NKAIN3: variants seen among roughly 807,000 people sequenced by gnomAD.
The protein encoded by NKAIN3 is sodium/potassium transporting ATPase interacting 3.
A neutral mutation model predicts 30.2 loss-of-function variants in NKAIN3; 25 were observed. The ratio of observed to expected loss-of-function variants is 0.83; its 90% CI spans 0.60 to 1.16. The LOEUF is 1.16. Ranked by LOEUF, NKAIN3 falls within the 50% of genes most tolerant of loss-of-function variation. The probability of loss-of-function intolerance (pLI) is 0.00; values close to 1 mark genes in which losing one functional copy is unlikely to be tolerated. For synonymous variants in NKAIN3, 91 were observed against 89.6 expected, an observed-to-expected ratio of 1.02 and a Z score of -0.09; for missense variants, 225 against 254.1, an observed-to-expected ratio of 0.89 and a Z score of 0.78.
rs141307320 is a variant in NKAIN3 at position 62,972,495 on chromosome 8, T to C, written c.*7088T>C. Among the ~76,000 whole-genome samples, 338 of 152,254 alleles carry C rather than the reference T, an allele frequency of 2.2e-3. 10 individuals are homozygous for C. In the East Asian group the frequency reaches 0.06, roughly 27 times the overall value. ...AATAGAAAAGTGATACTAACATCAA[T>C]AATTAAACTTCCCAAGATTTTTTTG... is the stretch of plus-strand genomic sequence containing the variant. On this transcript the variant is annotated 3_prime_UTR_variant, in exon 7 of 7. Coordinates refer to ENST00000623646, the MANE Select transcript of NKAIN3 (RefSeq NM_001304533.3).
At chr8:62,433,302 G>A (rs1248585264) in intron 1 of NKAIN3, among the ~76,000 whole-genome samples, 1 of 152,004 alleles carries the variant, frequency 6.6e-6, no homozygotes, top group African/African-American at 2.4e-5. Flanking sequence ...GTGGTGGTAG[G>A]TGGGGAACAA....
intron 3 of NKAIN3, among the ~76,000 whole-genome samples, chr8:62,617,586 A>G (rs1371091082): frequency 6.6e-6 from 1 of 152,188 alleles, no homozygotes; most frequent in East Asian, 1.9e-4. Context: ...TCCTCCTAAC[A>G]TCAGTCTCCC....
intron 1 of NKAIN3, among the ~76,000 whole-genome samples, chr8:62,438,593 A>C (rs1008568786): frequency 6.6e-6 from 1 of 151,828 alleles, no homozygotes; most frequent in Non-Finnish European, 1.5e-5. Flanking sequence ...AAGGAGGCTC[A>C]CTCTGTCATC....
At chr8:62,603,953 G>A (rs1466726291) in intron 3 of NKAIN3, among the ~76,000 whole-genome samples, 1 of 152,082 alleles carries the variant, frequency 6.6e-6, no homozygotes, top group Non-Finnish European at 1.5e-5. Flanking sequence ...GCCACTAACA[G>A]AATGACAGTT....
chr8:62,847,317 G>A (rs1054207797), intron 4 of NKAIN3, among the ~76,000 whole-genome samples: 1 of 152,126 alleles, frequency 6.6e-6, no homozygotes, highest in African/African-American at 2.4e-5. Flanking sequence ...GTGTAAAAGT[G>A]TTCCTTTTTC....
intron 3 of NKAIN3, among the ~76,000 whole-genome samples, chr8:62,676,652 G>A (rs1277091788): frequency 6.6e-6 from 1 of 151,658 alleles, no homozygotes; most frequent in African/African-American, 2.4e-5. Flanking sequence ...TAACTTTGTG[G>A]TTAAGTTATA....
intron 1 of NKAIN3, among the ~76,000 whole-genome samples, chr8:62,393,296 G>A (rs1283467723): frequency 6.6e-6 from 1 of 151,666 alleles, no homozygotes; most frequent in African/African-American, 2.4e-5. Flanking sequence ...ATGAGGAAAG[G>A]GTCAAAGTTT....
chr8:62,642,330 A>G (rs1812335646), intron 3 of NKAIN3, among the ~76,000 whole-genome samples: 1 of 152,110 alleles, frequency 6.6e-6, no homozygotes, highest in South Asian at 2.1e-4. Context: ...CCCATAGGAT[A>G]CTAATGGGCA....
chr8:62,886,173 GTGA>G (rs1821141418), intron 4 of NKAIN3, among the ~76,000 whole-genome samples: 1 of 148,066 alleles, frequency 6.8e-6, no homozygotes, highest in South Asian at 2.1e-4. Flanking sequence ...TTTTTTTTTA[GTGA>G]TTGCCCTAGA....
intron 1 of NKAIN3, among the ~76,000 whole-genome samples, chr8:62,397,909 A>G (rs1373948280): frequency 6.6e-6 from 1 of 152,180 alleles, no homozygotes; most frequent in African/African-American, 2.4e-5. Context: ...GTGGAGTTGG[A>G]TGTCAAGACT....
intron 1 of NKAIN3, among the ~76,000 whole-genome samples, chr8:62,260,383 G>T (rs1812400559): frequency 6.6e-6 from 1 of 152,110 alleles, no homozygotes; most frequent in Admixed American, 6.6e-5. Flanking sequence ...TGTTGTTAAT[G>T]ATAATTCTTT....
chr8:62,990,451 T>C, intron 5 of NKAIN3: 2 of 816,364 alleles, frequency 2.4e-6, no homozygotes, highest in Non-Finnish European at 3.2e-6. Flanking sequence ...TTCCTAAAGA[T>C]TGCCATTGCT....
chr8:62,777,953 ACTTGTAGAGGTAGCATGTTGGGGGG>A (rs1714709367), intron 4 of NKAIN3, among the ~76,000 whole-genome samples: 2 of 152,072 alleles, frequency 1.3e-5, no homozygotes, highest in Admixed American at 1.3e-4. Context: ...GCACTTGAAG[ACTTGTAGAGGTAGCATGTTGGGGGG>A]CTTGGATAAG....
At chr8:62,460,826 A>G (rs1410130934) in intron 1 of NKAIN3, among the ~76,000 whole-genome samples, 1 of 152,220 alleles carries the variant, frequency 6.6e-6, no homozygotes, top group African/African-American at 2.4e-5. Flanking sequence ...GTGTGTTAAA[A>G]CAATTGGAGG....
At chr8:62,333,703 A>G (rs1815431610) in intron 1 of NKAIN3, among the ~76,000 whole-genome samples, 2 of 152,122 alleles carry the variant, frequency 1.3e-5, no homozygotes, top group African/African-American at 2.4e-5. Context: ...ATTCTGTAGT[A>G]TTGATAGGAT....
At chr8:62,927,258 T>C (rs1269678523) in intron 5 of NKAIN3, among the ~76,000 whole-genome samples, 1 of 152,206 alleles carries the variant, frequency 6.6e-6, no homozygotes, top group East Asian at 1.9e-4. Context: ...ACTTCCTAAT[T>C]GTCAAGTTCT....
intron 1 of NKAIN3, among the ~76,000 whole-genome samples, chr8:62,254,613 A>T (rs1812210416): frequency 8.2e-6 from 1 of 122,452 alleles, no homozygotes; most frequent in Non-Finnish European, 1.8e-5. Context: ...AATTATTATC[A>T]AATTATATCT....
At chr8:62,356,946 A>G (rs1266004623) in intron 1 of NKAIN3, among the ~76,000 whole-genome samples, 1 of 152,016 alleles carries the variant, frequency 6.6e-6, no homozygotes, top group Non-Finnish European at 1.5e-5. Flanking sequence ...AACCATCTCT[A>G]CAAAAATTAG....
chr8:62,365,979 C>T (rs374687184), intron 1 of NKAIN3, among the ~76,000 whole-genome samples: 17 of 152,186 alleles, frequency 1.1e-4, no homozygotes, highest in East Asian at 9.7e-4. Flanking sequence ...AATTGGTATT[C>T]GTTCATCTTT....
Sources: gnomAD v4.1 joint callset for allele counts (sites outside exome capture counted in the v4.1 genomes callset) on GRCh38, gnomAD v4.1.1 for gene constraint, MANE v1.5 for transcripts, NCBI Gene and HGNC (gene_info 2026-07-23, HGNC 2026-07-21) for gene names.